The following ATG10 variants were observed in gnomAD, a reference collection of about 807,000 sequenced individuals.
ATG10 encodes the protein autophagy related 10.
ATG10 carries 30 observed loss-of-function variants against 32.1 expected under a neutral mutation model. The observed-to-expected ratio is 0.94, with a 90% confidence interval of 0.70 to 1.27. The LOEUF (loss-of-function observed/expected upper bound fraction) is 1.27, where lower values mean the gene tolerates loss of function less well. ATG10 is among the 50% of genes most tolerant of loss of function. The probability of loss-of-function intolerance (pLI) is 0.00; values close to 1 mark genes in which losing one functional copy is unlikely to be tolerated. For synonymous variants in ATG10, 87 were observed against 91.5 expected, an observed-to-expected ratio of 0.95 and a Z score of 0.28; for missense variants, 233 against 262.3, an observed-to-expected ratio of 0.89 and a Z score of 0.77.
intron 5 of ATG10, among the ~76,000 whole-genome samples, chr5:82,204,548 T>A (rs1427307992): frequency 6.6e-6 from 1 of 152,212 alleles, no homozygotes; most frequent in Non-Finnish European, 1.5e-5. Context: ...AATTTTGGCA[T>A]GTTCTGGCTA....
intron 1 of ATG10, among the ~76,000 whole-genome samples, chr5:81,976,032 A>G (rs141652167): frequency 0.16 from 23,242 of 148,332 alleles, 3,972 homozygotes; most frequent in African/African-American, 0.43. Context: ...ATGGAGTCTC[A>G]CTCTGTCGCC....
At chr5:82,146,286 T>C (rs1259537315) in intron 3 of ATG10, among the ~76,000 whole-genome samples, 1 of 152,136 alleles carries the variant, frequency 6.6e-6, no homozygotes, top group African/African-American at 2.4e-5. Context: ...GAGAAATCCA[T>C]GGAAATTCTA....
At chr5:82,100,895 T>A (rs1765251442) in intron 3 of ATG10, among the ~76,000 whole-genome samples, 1 of 150,394 alleles carries the variant, frequency 6.6e-6, no homozygotes, top group Non-Finnish European at 1.5e-5. Flanking sequence ...AAGTTAATAA[T>A]TCCCCTGTTC....
intron 2 of ATG10, among the ~76,000 whole-genome samples, chr5:82,011,793 C>G (rs976794460): frequency 6.6e-6 from 1 of 152,188 alleles, no homozygotes; most frequent in South Asian, 2.1e-4. Flanking sequence ...CACAAAGCCT[C>G]CTCATCAGCC....
chr5:82,023,754 C>G (rs1181161022), intron 2 of ATG10, among the ~76,000 whole-genome samples: 1 of 152,142 alleles, frequency 6.6e-6, no homozygotes, highest in East Asian at 1.9e-4. Context: ...TGAAGTGCAC[C>G]CGCTGTTTAT....
intron 3 of ATG10, among the ~76,000 whole-genome samples, chr5:82,069,270 G>A (rs1417764935): frequency 6.6e-6 from 1 of 151,958 alleles, no homozygotes; most frequent in African/African-American, 2.4e-5. Context: ...AATTTTTTTG[G>A]TAGCTTGAAT....
At chr5:82,016,266 G>T (rs1206319972) in intron 2 of ATG10, among the ~76,000 whole-genome samples, 2 of 152,286 alleles carry the variant, frequency 1.3e-5, no homozygotes, top group East Asian at 3.9e-4. Flanking sequence ...TAAGGTGAGA[G>T]AGAGGCGAGG....
Position 82,138,833 on chromosome 5 carries a change from C to T in ATG10, c.217-25566C>T, listed in dbSNP as rs528442389. On this transcript the variant is annotated intron_variant, in intron 3 of 7. Coordinates refer to ENST00000282185, the MANE Select transcript of ATG10 (RefSeq NM_031482.5). Reference sequence around the variant, plus strand: ...AAGCTATCTAATGAAGATTGAAAGTCGAGCTCTCCCTCCCCCTCCCCCTCC... The same window carrying T: ...AAGCTATCTAATGAAGATTGAAAGTTGAGCTCTCCCTCCCCCTCCCCCTCC... Among the ~76,000 whole-genome samples the T allele has an allele frequency of 3.3e-3, 411 of 126,002 alleles. 7 individuals are homozygous for T. The highest frequency in any genetic ancestry group is 5.2e-3 in the Non-Finnish European group (305 of 59,048). 82.7% of individuals were successfully genotyped at this position (126,002 alleles called of 152,430 possible). A position where few individuals can be genotyped will look rare whatever the true frequency, so the allele number is the denominator to read the frequency against.
chr5:82,251,859 T>C (rs1247381644), intron 5 of ATG10, among the ~76,000 whole-genome samples: 1 of 152,114 alleles, frequency 6.6e-6, no homozygotes, highest in Admixed American at 6.5e-5. Context: ...TTATATCCAA[T>C]TACTACCTTA....
intron 4 of ATG10, among the ~76,000 whole-genome samples, chr5:82,168,005 G>A (rs1249361176): frequency 6.6e-6 from 1 of 152,092 alleles, no homozygotes; most frequent in Non-Finnish European, 1.5e-5. Flanking sequence ...GCCTACATTG[G>A]AATAGTGCCT....
intron 3 of ATG10, among the ~76,000 whole-genome samples, chr5:82,129,006 A>T (rs1304776028): frequency 2.6e-5 from 4 of 151,744 alleles, no homozygotes; most frequent in Non-Finnish European, 5.9e-5. Flanking sequence ...AATCCAATGT[A>T]GGTTTGGTCT....
intron 5 of ATG10, among the ~76,000 whole-genome samples, chr5:82,201,718 G>T (rs1237242635): frequency 6.6e-6 from 1 of 152,120 alleles, no homozygotes; most frequent in East Asian, 1.9e-4. Flanking sequence ...TGGATCTGTG[G>T]GTTGATTTGG....
intron 2 of ATG10, among the ~76,000 whole-genome samples, chr5:81,996,641 A>C (rs1761672941): frequency 6.6e-6 from 1 of 152,210 alleles, no homozygotes; most frequent in South Asian, 2.1e-4. Context: ...ACTATGCATC[A>C]ATAGCAAATG....
chr5:82,162,497 A>C (rs1301312673), intron 3 of ATG10, among the ~76,000 whole-genome samples: 2 of 152,162 alleles, frequency 1.3e-5, no homozygotes, highest in East Asian at 3.8e-4. Context: ...CATCTCTTGA[A>C]ATTTAAAATG....
chr5:82,111,997 A>G (rs1480702444), intron 3 of ATG10, among the ~76,000 whole-genome samples: 1 of 152,030 alleles, frequency 6.6e-6, no homozygotes, highest in Non-Finnish European at 1.5e-5. Context: ...TCAAAAGAAG[A>G]GAAAACTCCT....
At chr5:82,125,557 C>T (rs967743647) in intron 3 of ATG10, among the ~76,000 whole-genome samples, 2 of 152,150 alleles carry the variant, frequency 1.3e-5, no homozygotes, top group South Asian at 4.1e-4. Flanking sequence ...TTGTTTTTGT[C>T]AGGTTTGTCA....
At chr5:81,985,818 A>G (rs1036353332) in intron 1 of ATG10, among the ~76,000 whole-genome samples, 1 of 152,190 alleles carries the variant, frequency 6.6e-6, no homozygotes, top group Non-Finnish European at 1.5e-5. Context: ...GCTGTAGTGC[A>G]GTGGCGCGAT....
intron 5 of ATG10, among the ~76,000 whole-genome samples, chr5:82,214,565 T>C (rs964594270): frequency 4.6e-5 from 7 of 152,224 alleles, no homozygotes; most frequent in African/African-American, 1.7e-4. Context: ...CAAATCTCAT[T>C]CTTACGTTTA....
intron 1 of ATG10, among the ~76,000 whole-genome samples, chr5:81,974,163 G>A (rs990213911): frequency 3.9e-5 from 6 of 152,100 alleles, no homozygotes; most frequent in Non-Finnish European, 5.9e-5. Flanking sequence ...ATGTGTTTGG[G>A]ACCCAGGAGG....
Sources: allele counts gnomAD v4.1 joint callset (sites outside exome capture counted in the v4.1 genomes callset), GRCh38; gene constraint gnomAD v4.1.1; transcripts MANE v1.5; gene names NCBI Gene and HGNC (gene_info 2026-07-23, HGNC 2026-07-21).